ARPC2: variants seen among roughly 807,000 people sequenced by gnomAD.
ARPC2 encodes the protein actin related protein 2/3 complex subunit 2, also known as actin-related protein 2/3 complex subunit 2.
Under a neutral mutation model 38.6 loss-of-function variants are expected in ARPC2, and 4 were observed. That is an observed-to-expected ratio of 0.10 (90% CI 0.05 to 0.24). The LOEUF is 0.24. Among genes scored for constraint, ARPC2 ranks in the 10% least tolerant of loss-of-function variants. The pLI, the probability that ARPC2 is intolerant of heterozygous loss-of-function variation, is 1.00. For synonymous variants in ARPC2, 125 were observed against 140.8 expected, an observed-to-expected ratio of 0.89 and a Z score of 0.79; for missense variants, 229 against 387.3, an observed-to-expected ratio of 0.59 and a Z score of 3.43.
rs1559485768 is a variant in ARPC2, at chr2:218,253,953, G to T, written c.*38G>T. The T allele has an allele frequency of 1.2e-6, 2 of 1,612,926 alleles. No homozygotes were observed. The highest frequency in any genetic ancestry group is 1.7e-6 in the Non-Finnish European group (2 of 1,179,090). ...GAGGAGGAAGCGGCTGGCAACTGAA[G>T]GCTGGAACACTTGCTACTGGATAAT... On this transcript the variant is annotated 3_prime_UTR_variant, in exon 11 of 11. Transcript: ENST00000315717.
At chr2:218,227,034 A>T (rs758762599) in intron 3 of ARPC2, 3 of 456,484 alleles carry the variant, frequency 6.6e-6, no homozygotes, top group African/African-American at 2.0e-5. Flanking sequence ...CCTTTCTACA[A>T]CAAGAGTCCT....
At chr2:218,236,806 T>C (rs868805733) in intron 5 of ARPC2, 1 of 134,466 alleles carries the variant, frequency 7.4e-6, no homozygotes, top group Non-Finnish European at 1.7e-5. Context: ...AAAAAAAAAA[T>C]ACAGATCTCA....
intron 10 of ARPC2, among the ~76,000 whole-genome samples, chr2:218,253,583 C>T (rs116849227): frequency 6.6e-6 from 1 of 152,332 alleles, no homozygotes; most frequent in East Asian, 1.9e-4. Context: ...TCAGGTACGT[C>T]TAGGCCATCC....
chr2:218,224,868 C>T (rs2106144653), intron 2 of ARPC2, among the ~76,000 whole-genome samples: 1 of 152,344 alleles, frequency 6.6e-6, no homozygotes, highest in South Asian at 2.1e-4. Flanking sequence ...TATTTCCCAG[C>T]ATCCCTGGAG....
intron 8 of ARPC2, among the ~76,000 whole-genome samples, chr2:218,248,763 C>T (rs1280400275): frequency 6.6e-6 from 1 of 152,194 alleles, no homozygotes; most frequent in African/African-American, 2.4e-5. Flanking sequence ...CGCCCAGCCT[C>T]ACACAGGTCT....
At chr2:218,219,565 G>A (rs927848702) in intron 2 of ARPC2, among the ~76,000 whole-genome samples, 9 of 152,238 alleles carry the variant, frequency 5.9e-5, no homozygotes, top group African/African-American at 1.7e-4. Context: ...GGCCAGGCTG[G>A]TCTCAAACTC....
intron 2 of ARPC2, among the ~76,000 whole-genome samples, chr2:218,223,893 A>C (rs1689437523): frequency 6.6e-6 from 1 of 152,114 alleles, no homozygotes; most frequent in Non-Finnish European, 1.5e-5. Flanking sequence ...AAAATAACAA[A>C]CGCCAGGTCT....
At chr2:218,247,611 G>A (rs1690077330) in intron 8 of ARPC2, among the ~76,000 whole-genome samples, 1 of 152,148 alleles carries the variant, frequency 6.6e-6, no homozygotes, top group Non-Finnish European at 1.5e-5. Flanking sequence ...CCACAGGCGT[G>A]TGCCACCACA....
chr2:218,241,734 G>GAGTACCT (rs745400699), intron 7 of ARPC2, among the ~76,000 whole-genome samples: 1 of 152,226 alleles, frequency 6.6e-6, no homozygotes, highest in Non-Finnish European at 1.5e-5. Context: ...GGTACCTGTG[G>GAGTACCT]TAGGGCACTT....
At chr2:218,242,932 T>G (rs1450438475) in intron 7 of ARPC2, among the ~76,000 whole-genome samples, 2 of 152,208 alleles carry the variant, frequency 1.3e-5, no homozygotes, top group Non-Finnish European at 2.9e-5. Flanking sequence ...TTGTGGGGTT[T>G]TTTCCACCAT....
intron 4 of ARPC2, among the ~76,000 whole-genome samples, chr2:218,232,508 G>A (rs1232496441): frequency 2.0e-5 from 3 of 149,266 alleles, no homozygotes; most frequent in Non-Finnish European, 4.4e-5. Flanking sequence ...CCGTCATCCT[G>A]TAGCAAAAGG....
At chr2:218,218,224 T>C (rs1290858834) in intron 2 of ARPC2, among the ~76,000 whole-genome samples, 1 of 152,200 alleles carries the variant, frequency 6.6e-6, no homozygotes, top group Non-Finnish European at 1.5e-5. Flanking sequence ...GTTCTAATGC[T>C]CTCTCCTCAC....
At chr2:218,217,279 C>T (rs1689268225) in intron 1 of ARPC2, 25 bp downstream of exon 1, 1 of 570,438 alleles carries the variant, frequency 1.8e-6, no homozygotes, top group Admixed American at 3.1e-5. Context: ...TGGGTGTCTC[C>T]ACAGTCTGCG....
At chr2:218,248,206 C>T (rs1393530063) in intron 8 of ARPC2, among the ~76,000 whole-genome samples, 1 of 152,242 alleles carries the variant, frequency 6.6e-6, no homozygotes, top group Admixed American at 6.5e-5. Flanking sequence ...GACTTACAGT[C>T]ATAAGCACCT....
chr2:218,226,046 G>C (rs1689488414), intron 3 of ARPC2, 92 bp downstream of exon 3: 3 of 1,342,476 alleles, frequency 2.2e-6, no homozygotes. Context: ...TGTAATCCCA[G>C]CACTTTGGGA....
rs1416872861 is a variant in ARPC2, at chr2:218,232,007, A to G, written c.223-2345A>G. On this transcript the variant is annotated intron_variant, in intron 4 of 10. Coordinates refer to ENST00000315717, the MANE Select transcript of ARPC2 (RefSeq NM_152862.3). Reference sequence around the variant, plus strand: ...GTAATCCCAGCACTTTGGGAGGCCAAGACAGGTGGATTGCTTGAGGTCAGG... The same window carrying G: ...GTAATCCCAGCACTTTGGGAGGCCAGGACAGGTGGATTGCTTGAGGTCAGG... Among the ~76,000 whole-genome samples, 4 of 152,306 alleles carry G rather than the reference A, an allele frequency of 2.6e-5. No homozygotes were observed. In the East Asian group the frequency reaches 7.7e-4, roughly 29 times the overall value.
At chr2:218,225,103 T>C (rs577454466) in intron 2 of ARPC2, among the ~76,000 whole-genome samples, 1 of 152,336 alleles carries the variant, frequency 6.6e-6, no homozygotes, top group South Asian at 2.1e-4. Flanking sequence ...GGTCTGTTCT[T>C]GTGTTATATG....
intron 5 of ARPC2, chr2:218,235,258 C>T (rs1220478217): frequency 1.2e-5 from 2 of 162,288 alleles, no homozygotes; most frequent in Non-Finnish European, 2.7e-5. Context: ...CTGCAGCCTC[C>T]TCCAAATCTT....
intron 4 of ARPC2, among the ~76,000 whole-genome samples, chr2:218,232,183 A>G (rs940297215): frequency 1.4e-4 from 21 of 152,210 alleles, no homozygotes; most frequent in Admixed American, 8.5e-4. Context: ...GGAGGTTGCA[A>G]TGAGCCGAGA....
Sources: gnomAD v4.1 joint callset for allele counts (sites outside exome capture counted in the v4.1 genomes callset) on GRCh38, gnomAD v4.1.1 for gene constraint, MANE v1.5 for transcripts, NCBI Gene and HGNC (gene_info 2026-07-23, HGNC 2026-07-21) for gene names.